The following ULK4 variants were observed in gnomAD, a reference collection of about 807,000 sequenced individuals.
The protein encoded by ULK4 is inactive serine/threonine-protein kinase ULK4.
ULK4 carries 133 observed loss-of-function variants against 160.6 expected under a neutral mutation model. The observed-to-expected ratio is 0.83, with a 90% CI of 0.72 to 0.96. The LOEUF (loss-of-function observed/expected upper bound fraction) is 0.96, where lower values mean the gene tolerates loss of function less well. Among genes scored for constraint, ULK4 ranks in the 40% least tolerant of loss-of-function variants. The probability of loss-of-function intolerance (pLI) is 0.00; values close to 1 mark genes in which losing one functional copy is unlikely to be tolerated. For missense variants in ULK4, 1,580 were observed against 1,499.5 expected (o/e 1.05, Z -0.89); for synonymous variants, 534 against 539.8 (o/e 0.99, Z 0.15).
intron 35 of ULK4, among the ~76,000 whole-genome samples, chr3:41,351,487 A>G (rs1194803469): frequency 1.3e-5 from 2 of 152,258 alleles, no homozygotes; most frequent in African/African-American, 4.8e-5. Flanking sequence ...TCCAGAGTAC[A>G]TTCTGAAATA....
chr3:41,246,813 T>G lies in ULK4; in HGVS notation c.*116A>C. Reference sequence around the variant, plus strand: ...CACCAGGTTCTGGGTTAAGCTGACTTTATTAGGTCCAAAGACAGCTGTGAG... The same window carrying G: ...CACCAGGTTCTGGGTTAAGCTGACTGTATTAGGTCCAAAGACAGCTGTGAG... On this transcript the variant is annotated 3_prime_UTR_variant, in exon 37 of 37. Coordinates refer to ENST00000301831, the MANE Select transcript of ULK4 (RefSeq NM_017886.4). The G allele has an allele frequency of 7.8e-7, 1 of 1,285,450 alleles. No homozygotes were observed. The highest frequency in any genetic ancestry group is 1.1e-6 in the Non-Finnish European group (1 of 925,920). 79.6% of individuals were successfully genotyped at this position (1,285,450 alleles called of 1,614,324 possible). A position where few individuals can be genotyped will look rare whatever the true frequency, so the allele number is the denominator to read the frequency against.
chr3:41,688,614 CAAAAT>C (rs371993571), intron 27 of ULK4, among the ~76,000 whole-genome samples: 5,082 of 152,150 alleles, frequency 0.033, 248 homozygotes, highest in African/African-American at 0.11. Context: ...CAAAACAAAA[CAAAAT>C]CTGATTTGTT....
intron 16 of ULK4, among the ~76,000 whole-genome samples, chr3:41,885,682 A>T (rs1044078716): frequency 6.1e-4 from 93 of 152,172 alleles, no homozygotes; most frequent in African/African-American, 1.6e-3. Context: ...AAATATTTTT[A>T]AAAAGTTTTT....
At chr3:41,451,694 G>C (rs7612950) in intron 34 of ULK4, among the ~76,000 whole-genome samples, 47,240 of 151,746 alleles carry the variant, frequency 0.31, 8,854 homozygotes, top group African/African-American at 0.53. Context: ...GCACCACGTA[G>C]AAAAAAAGTG....
At chr3:41,920,492 A>G (rs1699146474) in intron 5 of ULK4, among the ~76,000 whole-genome samples, 1 of 152,186 alleles carries the variant, frequency 6.6e-6, no homozygotes, top group African/African-American at 2.4e-5. Context: ...AGAGCCAGAA[A>G]GTTCCCTTAT....
intron 22 of ULK4, among the ~76,000 whole-genome samples, chr3:41,738,474 T>C (rs1390977193): frequency 6.6e-6 from 1 of 151,936 alleles, no homozygotes; most frequent in African/African-American, 2.4e-5. Context: ...TCTGCAAAGA[T>C]CTGGGACATC....
intron 18 of ULK4, among the ~76,000 whole-genome samples, chr3:41,830,552 A>G (rs1559589566): frequency 6.6e-6 from 1 of 152,048 alleles, no homozygotes; most frequent in Non-Finnish European, 1.5e-5. Context: ...ACATTTATCA[A>G]ATTGTGATGT....
chr3:41,491,888 C>G (rs9873144), intron 32 of ULK4, among the ~76,000 whole-genome samples: 4 of 150,498 alleles, frequency 2.7e-5, no homozygotes, highest in Admixed American at 6.6e-5. Context: ...CGCCTCCCCC[C>G]ACCCCACAAC....
intron 34 of ULK4, among the ~76,000 whole-genome samples, chr3:41,431,335 A>T (rs1286288446): frequency 6.7e-6 from 1 of 149,004 alleles, no homozygotes; most frequent in African/African-American, 2.5e-5. Flanking sequence ...CAACACAGCG[A>T]GACTCCGTCA....
intron 2 of ULK4, among the ~76,000 whole-genome samples, chr3:41,942,860 G>C (rs890978213): frequency 1.4e-5 from 2 of 141,780 alleles, no homozygotes; most frequent in South Asian, 2.3e-4. Context: ...TAAATAAATA[G>C]TTTTAACCAA....
chr3:41,468,526 T>C (rs2083892134), intron 32 of ULK4, among the ~76,000 whole-genome samples: 1 of 152,160 alleles, frequency 6.6e-6, no homozygotes, highest in Admixed American at 6.5e-5. Context: ...GGTCTTAGGT[T>C]TCCGCACGTT....
intron 22 of ULK4, among the ~76,000 whole-genome samples, chr3:41,738,333 GTTTT>G (rs564247607): frequency 5.3e-4 from 80 of 151,524 alleles, no homozygotes; most frequent in Non-Finnish European, 1.1e-3. Flanking sequence ...CTTGGCAAAG[GTTTT>G]TTTTCTCCGT....
chr3:41,823,151 G>A (rs73830511), intron 18 of ULK4, among the ~76,000 whole-genome samples: 2 of 152,000 alleles, frequency 1.3e-5, no homozygotes, highest in East Asian at 1.9e-4. Context: ...AGATCACTCA[G>A]AGACAGGGAA....
intron 5 of ULK4, among the ~76,000 whole-genome samples, chr3:41,930,182 C>T (rs144145919): frequency 1.0e-3 from 156 of 152,134 alleles, no homozygotes; most frequent in African/African-American, 3.4e-3. Flanking sequence ...GAATAGAGAT[C>T]TACAACCATC....
chr3:41,299,768 T>C (rs1025787313), intron 35 of ULK4, among the ~76,000 whole-genome samples: 2 of 152,186 alleles, frequency 1.3e-5, no homozygotes, highest in Non-Finnish European at 2.9e-5. Context: ...TTTTTCCACA[T>C]TGCCAATCTG....
chr3:41,421,971 AT>A (rs979026242), intron 34 of ULK4, among the ~76,000 whole-genome samples: 47 of 150,534 alleles, frequency 3.1e-4, no homozygotes, highest in East Asian at 7.8e-4. Context: ...ATATTAGAAG[AT>A]TTTTTTTTTC....
chr3:41,249,284 T>A (rs776458514), intron 36 of ULK4, among the ~76,000 whole-genome samples: 1 of 152,144 alleles, frequency 6.6e-6, no homozygotes, highest in African/African-American at 2.4e-5. Flanking sequence ...GTCCCCTCAC[T>A]TTCCCCACCA....
intron 17 of ULK4, among the ~76,000 whole-genome samples, chr3:41,858,600 C>A (rs145814035): frequency 8.6e-5 from 13 of 150,738 alleles, no homozygotes; most frequent in African/African-American, 2.9e-4. Context: ...TCAAGCAATC[C>A]TCCCACCTCA....
intron 30 of ULK4, among the ~76,000 whole-genome samples, chr3:41,640,076 T>C (rs1449940210): frequency 6.6e-6 from 1 of 152,156 alleles, no homozygotes; most frequent in African/African-American, 2.4e-5. Flanking sequence ...ATGGTTTGTG[T>C]TTTACCTGTG....
Sources: gnomAD v4.1 joint callset for allele counts (sites outside exome capture counted in the v4.1 genomes callset) on GRCh38, gnomAD v4.1.1 for gene constraint, MANE v1.5 for transcripts, NCBI Gene and HGNC (gene_info 2026-07-23, HGNC 2026-07-21) for gene names.